FBXO11: variants seen among roughly 807,000 people sequenced by gnomAD.
FBXO11 encodes the protein F-box only protein 11.
In FBXO11, 13 loss-of-function variants were observed where a neutral mutation model predicts 117.0. The ratio of observed to expected loss-of-function variants is 0.11; its 90% CI spans 0.07 to 0.18. The LOEUF (loss-of-function observed/expected upper bound fraction) is 0.18, where lower values mean the gene tolerates loss of function less well. Among genes scored for constraint, FBXO11 ranks in the 10% least tolerant of loss-of-function variants. FBXO11 has a pLI of 1.00. For synonymous variants in FBXO11, 490 were observed against 380.5 expected (o/e 1.29, Z -3.35); for missense variants, 767 against 1,164.4 (o/e 0.66, Z 4.97).
At chr2:47,893,274 G>T (rs1018496646) in intron 1 of FBXO11, among the ~76,000 whole-genome samples, 2 of 152,102 alleles carry the variant, frequency 1.3e-5, no homozygotes, top group African/African-American at 2.4e-5. Flanking sequence ...ATACTCTGCT[G>T]GTCTTGCAAA....
intron 1 of FBXO11, among the ~76,000 whole-genome samples, chr2:47,874,664 A>T (rs1675866280): frequency 1.3e-5 from 2 of 152,074 alleles, no homozygotes; most frequent in African/African-American, 4.8e-5. Flanking sequence ...CCTCCTGAGT[A>T]GCTGGGACTA....
chr2:47,831,078 T>G (rs1303467050), intron 11 of FBXO11, among the ~76,000 whole-genome samples: 2 of 150,596 alleles, frequency 1.3e-5, no homozygotes, highest in Non-Finnish European at 3.0e-5. Flanking sequence ...GGATTACAGG[T>G]GTGAGCCACT....
intron 1 of FBXO11, among the ~76,000 whole-genome samples, chr2:47,890,977 C>A (rs1021426800): frequency 6.7e-6 from 1 of 149,290 alleles, no homozygotes; most frequent in Non-Finnish European, 1.5e-5. Flanking sequence ...GCCACCATAC[C>A]GGGATTTTTT....
intron 1 of FBXO11, among the ~76,000 whole-genome samples, chr2:47,877,926 G>A (rs751688803): frequency 3.6e-4 from 54 of 151,998 alleles, no homozygotes; most frequent in African/African-American, 1.3e-3. Flanking sequence ...CTCATCATCC[G>A]CCTGCCTCGG....
In FBXO11 at chr2:47,807,208, T is replaced by TAA. The variant is rs1287252440; in HGVS notation, c.*908_*909dup. On this transcript the variant is annotated 3_prime_UTR_variant, in exon 23 of 23. Coordinates refer to ENST00000403359, the MANE Select transcript of FBXO11 (RefSeq NM_001190274.2). Reference sequence around the variant, plus strand: ...TGGTTTAATTTCCAGCAGTTTTGTCTAAACTGTTCAAAAAAAAACTATGAA... The same window carrying TAA: ...TGGTTTAATTTCCAGCAGTTTTGTCTAAAAACTGTTCAAAAAAAAACTATGAA... 1 of 257,138 alleles carries TAA rather than the reference T, an allele frequency of 3.9e-6. No homozygotes were observed. Among genetic ancestry groups the TAA allele is most frequent in the East Asian group, 5.8e-5 (1 of 17,124 alleles). The allele number at this position is 257,138 out of a possible 1,614,324, so 15.9% of individuals were successfully genotyped here. A position where few individuals can be genotyped will look rare whatever the true frequency, so the allele number is the denominator to read the frequency against.
intron 1 of FBXO11, among the ~76,000 whole-genome samples, chr2:47,850,780 G>C (rs892147017): frequency 6.6e-6 from 1 of 152,116 alleles, no homozygotes; most frequent in African/African-American, 2.4e-5. Flanking sequence ...ATTCTTTCCT[G>C]TTATGTATCA....
chr2:47,806,992 T>A lies in FBXO11; in HGVS notation c.*1126A>T, dbSNP rs1670250446. 2.7e-6 allele frequency: 2 copies of A among 733,816 alleles called. No homozygotes were observed. Among genetic ancestry groups the A allele is most frequent in the Non-Finnish European group, 4.7e-6 (2 of 423,368 alleles). 45.5% of individuals were successfully genotyped at this position (733,816 alleles called of 1,614,324 possible). ...TTCTTTCTAGGAAATTAAACCCTTT[T>A]AATTCTTATCTACCTTCTACATAAT... On this transcript the variant is annotated 3_prime_UTR_variant, in exon 23 of 23. Transcript: ENST00000403359.
Position 47,825,719 on chromosome 2 carries a change from G to T in FBXO11, c.1399-2359C>A, listed in dbSNP as rs145893321. ...AACCTCCCAAGTAGCTGAGACCACG[G>T]GTGCATGGCACCAAGCCTGGCCAAT... On this transcript the variant is annotated intron_variant, in intron 11 of 22. Coordinates refer to ENST00000403359, the MANE Select transcript of FBXO11 (RefSeq NM_001190274.2). Among the ~76,000 whole-genome samples the T allele has an allele frequency of 3.6e-4, 55 of 151,926 alleles. 1 individual carries two copies. The highest frequency in any genetic ancestry group is 1.3e-3 in the African/African-American group (53 of 41,410).
intron 1 of FBXO11, among the ~76,000 whole-genome samples, chr2:47,848,813 CTATTT>C (rs1320965227): frequency 6.6e-6 from 1 of 152,084 alleles, no homozygotes; most frequent in Non-Finnish European, 1.5e-5. Context: ...TGTCTTGACT[CTATTT>C]ATTCTGAGCC....
chr2:47,831,430 A>G (rs1425667814), intron 11 of FBXO11, among the ~76,000 whole-genome samples: 1 of 128,188 alleles, frequency 7.8e-6, no homozygotes. Context: ...TCAAAAAGAA[A>G]AAAAAAAAAA....
intron 1 of FBXO11, among the ~76,000 whole-genome samples, chr2:47,847,995 G>A (rs967058916): frequency 6.6e-6 from 1 of 151,472 alleles, no homozygotes; most frequent in South Asian, 2.1e-4. Context: ...GTGGTGACGG[G>A]TGCTTGTAGT....
chr2:47,820,032 T>C (rs1177481209), intron 14 of FBXO11, among the ~76,000 whole-genome samples: 1 of 152,178 alleles, frequency 6.6e-6, no homozygotes, highest in Non-Finnish European at 1.5e-5. Flanking sequence ...AAAATTCTGG[T>C]GTAACAAATA....
At chr2:47,900,670 A>G (rs1168957303) in intron 1 of FBXO11, among the ~76,000 whole-genome samples, 7 of 106,146 alleles carry the variant, frequency 6.6e-5, no homozygotes, top group Admixed American at 1.8e-4. Flanking sequence ...ACACGTACGT[A>G]TATACACACG....
At chr2:47,840,981 G>A (rs762768890) in intron 1 of FBXO11, among the ~76,000 whole-genome samples, 1 of 152,032 alleles carries the variant, frequency 6.6e-6, no homozygotes, top group African/African-American at 2.4e-5. Flanking sequence ...GGCGGATCAC[G>A]AGGTCAGGAG....
chr2:47,877,250 T>G (rs1676072625), intron 1 of FBXO11, among the ~76,000 whole-genome samples: 1 of 152,060 alleles, frequency 6.6e-6, no homozygotes, highest in South Asian at 2.1e-4. Context: ...CTGGTAATTT[T>G]GGTTCTTTTA....
intron 18 of FBXO11, 141 bp from the exon 19 acceptor site, chr2:47,810,567 T>C (rs982937065): frequency 3.6e-6 from 2 of 560,874 alleles, no homozygotes; most frequent in Middle Eastern, 4.6e-4. Flanking sequence ...CCAAAACAAG[T>C]TTATTAGCAA....
chr2:47,836,657 G>A (rs1175144502), intron 4 of FBXO11, among the ~76,000 whole-genome samples: 2 of 151,960 alleles, frequency 1.3e-5, no homozygotes, highest in African/African-American at 2.4e-5. Context: ...ATGTAACTGC[G>A]TATGAAAATT....
At chr2:47,825,444 A>G (rs1394991463) in intron 11 of FBXO11, among the ~76,000 whole-genome samples, 1 of 152,112 alleles carries the variant, frequency 6.6e-6, no homozygotes, top group Non-Finnish European at 1.5e-5. Flanking sequence ...GACAAAGAGA[A>G]CTTAATACTA....
intron 1 of FBXO11, among the ~76,000 whole-genome samples, chr2:47,889,101 AT>A (rs1199307230): frequency 6.6e-6 from 1 of 152,140 alleles, no homozygotes; most frequent in Non-Finnish European, 1.5e-5. Context: ...AGTTAGCAGT[AT>A]TTTTTTATAA....
Sources: gnomAD v4.1 joint callset for allele counts (sites outside exome capture counted in the v4.1 genomes callset) on GRCh38, gnomAD v4.1.1 for gene constraint, MANE v1.5 for transcripts, NCBI Gene and HGNC (gene_info 2026-07-23, HGNC 2026-07-21) for gene names.